Variants in SORT1 observed in about 807,000 individuals in gnomAD.
SORT1 encodes sortilin 1.
A neutral mutation model predicts 101.7 loss-of-function variants in SORT1; 39 were observed. That is an observed-to-expected ratio of 0.38 (90% CI 0.30 to 0.50). The LOEUF is 0.50. Among genes scored for constraint, SORT1 ranks in the 20% least tolerant of loss-of-function variants. SORT1 has a pLI of 0.90. For synonymous variants in SORT1, 396 were observed against 393.7 expected (o/e 1.01, Z -0.07); for missense variants, 878 against 1,040.4 (o/e 0.84, Z 2.15).
Position 109,383,691 on chromosome 1 carries a change from G to A in SORT1, c.306+13896C>T, listed in dbSNP as rs1446746168. Among the ~76,000 whole-genome samples, 3 of 152,156 alleles carry A rather than the reference G, an allele frequency of 2.0e-5. No homozygotes were observed. In the East Asian group the frequency reaches 5.8e-4, roughly 29 times the overall value. ...CACAACCTGAGTGATGCTTTTGCAG[G>A]CAGGAAGAAAATCCTAACAGAATAT... On this transcript the variant is annotated intron_variant, in intron 1 of 19. Transcript: ENST00000256637.
At chr1:109,320,718 C>A (rs945838907) in intron 15 of SORT1, among the ~76,000 whole-genome samples, 1 of 152,176 alleles carries the variant, frequency 6.6e-6, no homozygotes, top group African/African-American at 2.4e-5. Context: ...TGTTTTGCAA[C>A]AAATTTTCCA....
intron 11 of SORT1, among the ~76,000 whole-genome samples, chr1:109,333,744 AG>A (rs1321013624): frequency 6.6e-6 from 1 of 152,246 alleles, no homozygotes; most frequent in Non-Finnish European, 1.5e-5. Context: ...AAGAGATAAA[AG>A]GTAAGTATTG....
chr1:109,343,066 C>A (rs919367742), intron 8 of SORT1, among the ~76,000 whole-genome samples: 2 of 152,076 alleles, frequency 1.3e-5, no homozygotes, highest in Non-Finnish European at 2.9e-5. Flanking sequence ...ACCATATATG[C>A]AGTATAGCAT....
intron 15 of SORT1, among the ~76,000 whole-genome samples, chr1:109,318,514 G>T (rs1398875192): frequency 6.6e-6 from 1 of 152,132 alleles, no homozygotes; most frequent in Non-Finnish European, 1.5e-5. Context: ...GACTAGCTAG[G>T]GCCCCAAGGC....
intron 1 of SORT1, among the ~76,000 whole-genome samples, chr1:109,385,560 G>C (rs1293098432): frequency 6.6e-6 from 1 of 152,186 alleles, no homozygotes; most frequent in Non-Finnish European, 1.5e-5. Flanking sequence ...ATATGCTCCA[G>C]TTGCCAGCTG....
chr1:109,356,556 G>C (rs990764175), intron 3 of SORT1, among the ~76,000 whole-genome samples: 2 of 152,100 alleles, frequency 1.3e-5, no homozygotes, highest in Non-Finnish European at 2.9e-5. Flanking sequence ...GCTCCCAAAG[G>C]CTTCTAACTA....
chr1:109,323,700 A>C (rs1570893826), intron 14 of SORT1, among the ~76,000 whole-genome samples: 2 of 152,234 alleles, frequency 1.3e-5, no homozygotes, highest in Non-Finnish European at 2.9e-5. Flanking sequence ...ATCTACTGGA[A>C]AAATGACTCA....
chr1:109,367,042 A>G (rs1651141415), intron 3 of SORT1: 1 of 166,926 alleles, frequency 6.0e-6, no homozygotes, highest in South Asian at 1.7e-4. Flanking sequence ...CCTAGGCAAC[A>G]TGGGGAAACC....
intron 17 of SORT1, among the ~76,000 whole-genome samples, chr1:109,315,485 C>G (rs781408401): frequency 6.6e-5 from 10 of 151,968 alleles, no homozygotes; most frequent in Non-Finnish European, 8.8e-5. Context: ...GCCCCCTTAC[C>G]AATACACACA....
chr1:109,374,384 C>T (rs987079751), intron 1 of SORT1, among the ~76,000 whole-genome samples: 12 of 151,780 alleles, frequency 7.9e-5, no homozygotes, highest in Non-Finnish European at 1.5e-4. Flanking sequence ...ACCAGCCTGG[C>T]CAACATGGTA....
intron 4 of SORT1, 37 bp downstream of exon 4, chr1:109,355,330 C>G: frequency 9.8e-7 from 1 of 1,024,468 alleles, no homozygotes; most frequent in Non-Finnish European, 1.6e-6. Flanking sequence ...CATGTGGTAT[C>G]AAGCACAAGC....
intron 3 of SORT1, among the ~76,000 whole-genome samples, chr1:109,362,780 C>T (rs1650813114): frequency 1.3e-5 from 2 of 151,328 alleles, no homozygotes; most frequent in South Asian, 2.1e-4. Flanking sequence ...GCCATCATCA[C>T]ATTTTAATAT....
At position 109,311,094 on chromosome 1, in the gene SORT1, T is replaced by TTA. The variant is rs1450474612; in HGVS notation, c.*2948_*2949insTA. ...GCAACTCTCCAAAGGCTTTTATTCT[T>TTA]TGAAATAGAGTTGCCATTGAATTAA... On this transcript the variant is annotated 3_prime_UTR_variant, in exon 20 of 20. Coordinates refer to ENST00000256637, the MANE Select transcript of SORT1 (RefSeq NM_002959.7). The TTA allele has an allele frequency of 6.6e-6, 1 of 152,190 alleles. No individual in the cohort carries two copies. The highest frequency in any genetic ancestry group is 2.4e-5 in the African/African-American group (1 of 41,454). The allele number at this position is 152,190 out of a possible 1,614,324, so 9.4% of individuals were successfully genotyped here. A position where few individuals can be genotyped will look rare whatever the true frequency, so the allele number is the denominator to read the frequency against.
rs369292571 is a variant in SORT1, at chr1:109,342,029, C to T, written c.1093G>A (p.Val365Ile). The change falls in exon 9 of 20, where the codon GTA (valine) becomes ATA (isoleucine). Residue 365 changes from valine (V) to isoleucine (I), a missense_variant. By Grantham distance (29) the Val-to-Ile change is conservative (BLOSUM62 3). Coordinates refer to ENST00000256637, the MANE Select transcript of SORT1 (RefSeq NM_002959.7). ...AAGCTCTTACCTCCAGGTTCATCTA[C>T]ATGCATGAATACCATGTCATCATTT... ...AANDDMVFMH[V>I]DEPGDTGFGT... 2.9e-5 allele frequency: 47 copies of T among 1,613,638 alleles called. No individual in the cohort carries two copies. The highest frequency in any genetic ancestry group is 3.6e-5 in the Non-Finnish European group (43 of 1,179,952).
At chr1:109,344,922 C>A (rs2101587211) in intron 8 of SORT1, among the ~76,000 whole-genome samples, 1 of 152,168 alleles carries the variant, frequency 6.6e-6, no homozygotes, top group Admixed American at 6.5e-5. Flanking sequence ...GTCTTGAATT[C>A]CTGGGCTCAA....
At chr1:109,353,358 C>CA (rs1341134643) in intron 5 of SORT1, among the ~76,000 whole-genome samples, 15 of 147,768 alleles carry the variant, frequency 1.0e-4, no homozygotes, top group East Asian at 2.0e-4. Flanking sequence ...AAAACAAAAG[C>CA]AAAAAAAACA....
At chr1:109,355,656 C>CCCA (rs1321675043) in intron 3 of SORT1, among the ~76,000 whole-genome samples, 187 bp from the exon 4 acceptor site, 1 of 129,306 alleles carries the variant, frequency 7.7e-6, no homozygotes, top group Non-Finnish European at 1.6e-5. Context: ...CCCCCCCCCC[C>CCCA]ACAAACCCAC....
chr1:109,368,059 T>G (rs1447162448), intron 2 of SORT1, among the ~76,000 whole-genome samples: 1 of 152,058 alleles, frequency 6.6e-6, no homozygotes, highest in Non-Finnish European at 1.5e-5. Context: ...TTTGGGAGGC[T>G]GAGGCGGACG....
In SORT1 at chr1:109,343,658, A is replaced by C. The variant is rs189024363; in HGVS notation, c.964-1500T>G. Among the ~76,000 whole-genome samples, 7 of 151,628 alleles carry C rather than the reference A, an allele frequency of 4.6e-5. No homozygotes were observed. In the East Asian group the frequency reaches 1.4e-3, roughly 29 times the overall value. On this transcript the variant is annotated intron_variant, in intron 8 of 19. Transcript: ENST00000256637. ...ATATGCAGAACTGAATTCTTTTTTT[A>C]TTTTTTTTGAGACAGAGTCTCACTC...
Sources: gnomAD v4.1 joint callset for allele counts (sites outside exome capture counted in the v4.1 genomes callset) on GRCh38, gnomAD v4.1.1 for gene constraint, MANE v1.5 for transcripts, NCBI Gene and HGNC (gene_info 2026-07-23, HGNC 2026-07-21) for gene names.